The following ATP8A2 variants were observed in gnomAD, a reference collection of about 807,000 sequenced individuals.
ATP8A2 encodes ATPase phospholipid transporting 8A2.
A neutral mutation model predicts 165.6 loss-of-function variants in ATP8A2; 100 were observed. The observed-to-expected ratio is 0.60, with a 90% CI of 0.51 to 0.71. ATP8A2 has a LOEUF of 0.71. Ranked by LOEUF, ATP8A2 falls within the 30% of genes least tolerant of loss-of-function variation. The pLI is 0.00. For missense variants in ATP8A2, 1,227 were observed against 1,479.5 expected (o/e 0.83, Z 2.80); for synonymous variants, 543 against 548.8 (o/e 0.99, Z 0.15).
At chr13:25,691,839 G>A (rs1380063059) in intron 24 of ATP8A2, among the ~76,000 whole-genome samples, 6 of 152,160 alleles carry the variant, frequency 3.9e-5, no homozygotes, top group Admixed American at 2.0e-4. Flanking sequence ...TAATTACTTC[G>A]GCTTCAGCCT....
intron 2 of ATP8A2, among the ~76,000 whole-genome samples, chr13:25,512,965 C>T (rs1344393865): frequency 3.3e-4 from 43 of 130,168 alleles, no homozygotes; most frequent in Middle Eastern, 4.4e-3. Flanking sequence ...GGGGGCTGAC[C>T]CCCCCACCTC....
intron 2 of ATP8A2, among the ~76,000 whole-genome samples, chr13:25,516,487 T>C (rs1049647519): frequency 1.1e-4 from 16 of 152,190 alleles, no homozygotes; most frequent in Non-Finnish European, 1.6e-4. Context: ...AAAGGCCAAA[T>C]GTGGTATACT....
At chr13:26,008,463 A>G (rs1205527386) in intron 35 of ATP8A2, among the ~76,000 whole-genome samples, 1 of 152,148 alleles carries the variant, frequency 6.6e-6, no homozygotes, top group Non-Finnish European at 1.5e-5. Flanking sequence ...TGTGGAAGAT[A>G]GAATGAGATC....
At chr13:25,930,087 C>G (rs1048683064) in intron 33 of ATP8A2, among the ~76,000 whole-genome samples, 1 of 152,108 alleles carries the variant, frequency 6.6e-6, no homozygotes, top group Non-Finnish European at 1.5e-5. Context: ...GAGGGTCTTT[C>G]TAGTCTCTGA....
rs563922531 is a variant in ATP8A2 at position 25,435,122 on chromosome 13, C to CT, written c.77-33839dup. Among the ~76,000 whole-genome samples the CT allele has an allele frequency of 8.2e-3, 1,119 of 136,628 alleles. 11 individuals carry two copies. The highest frequency in any genetic ancestry group is 0.02 in the South Asian group (82 of 4,126). The allele number at this position is 136,628 out of a possible 152,430, so 89.6% of individuals were successfully genotyped here. A position where few individuals can be genotyped will look rare whatever the true frequency, so the allele number is the denominator to read the frequency against. On this transcript the variant is annotated intron_variant, in intron 1 of 36. Transcript: ENST00000381655. ...CTAGGAGTTCCTGGGCATAGGAAAT[C>CT]TTTTTTTTTTTTTTTTGAGATGGAG...
At chr13:25,534,466 G>C (rs753321181) in intron 6 of ATP8A2, among the ~76,000 whole-genome samples, 1 of 152,214 alleles carries the variant, frequency 6.6e-6, no homozygotes, top group Non-Finnish European at 1.5e-5. Context: ...GTATCAGCTA[G>C]AGTGAAGAAT....
Position 25,952,612 on chromosome 13 carries a change from G to A in ATP8A2, c.3184-8963G>A, listed in dbSNP as rs185651755. ...GATCTCAAACTCCTGACCTCAAACC[G>A]TCCTTCACCTCAGCATCCCAAAGCG... On this transcript the variant is annotated intron_variant, in intron 33 of 36. Transcript: ENST00000381655. 3.9e-5 allele frequency among the ~76,000 whole-genome samples: 6 copies of A among 152,142 alleles called. No individual in the cohort carries two copies. The East Asian group carries it at 1.2e-3, about 29-fold the overall frequency.
At chr13:25,386,056 C>T (rs9581327) in intron 1 of ATP8A2, among the ~76,000 whole-genome samples, 8,055 of 151,940 alleles carry the variant, frequency 0.053, 698 homozygotes, top group African/African-American at 0.18. Flanking sequence ...GCTGGGATTA[C>T]AGGCATAAGC....
intron 27 of ATP8A2, among the ~76,000 whole-genome samples, chr13:25,803,131 C>T (rs998429906): frequency 2.6e-5 from 4 of 152,044 alleles, no homozygotes; most frequent in Admixed American, 2.6e-4. Context: ...TCTGTGGTAT[C>T]TATGTGTGAT....
intron 24 of ATP8A2, among the ~76,000 whole-genome samples, chr13:25,670,682 A>G (rs541393068): frequency 6.6e-6 from 1 of 152,286 alleles, no homozygotes; most frequent in African/African-American, 2.4e-5. Context: ...CCCTGGAGAA[A>G]AACAGGTAGC....
At chr13:25,851,995 A>G (rs1402249017) in intron 30 of ATP8A2, among the ~76,000 whole-genome samples, 2 of 152,014 alleles carry the variant, frequency 1.3e-5, no homozygotes, top group Admixed American at 6.5e-5. Context: ...GGCACACACC[A>G]CCATGCCTGG....
intron 2 of ATP8A2, 149 bp downstream of exon 2, chr13:25,469,270 C>G (rs2035771910): frequency 1.0e-6 from 1 of 960,948 alleles, no homozygotes; most frequent in East Asian, 2.6e-5. Context: ...ACCCCACTAG[C>G]CCGCGGTGCA....
At chr13:25,465,338 T>G (rs2035605476) in intron 1 of ATP8A2, among the ~76,000 whole-genome samples, 1 of 152,130 alleles carries the variant, frequency 6.6e-6, no homozygotes, top group Admixed American at 6.5e-5. Flanking sequence ...CGGGGTGGTA[T>G]AACTATTTCT....
intron 27 of ATP8A2, among the ~76,000 whole-genome samples, chr13:25,776,596 TC>T (rs1160873667): frequency 1.3e-5 from 2 of 152,186 alleles, no homozygotes; most frequent in African/African-American, 4.8e-5. Context: ...TTTTTACAAT[TC>T]CCTTTTGGCA....
rs1182727735 is a variant in ATP8A2 at position 25,553,657 on chromosome 13, C to T, written c.1058-136C>T. 4.8e-6 allele frequency: 4 copies of T among 836,914 alleles called. No homozygotes were observed. In the East Asian group the frequency reaches 9.9e-5, roughly 21 times the overall value. The allele number at this position is 836,914 out of a possible 1,614,324, so 51.8% of individuals were successfully genotyped here. A position where few individuals can be genotyped will look rare whatever the true frequency, so the allele number is the denominator to read the frequency against. On this transcript the variant is annotated intron_variant, in intron 11 of 36. Coordinates refer to ENST00000381655, the MANE Select transcript of ATP8A2 (RefSeq NM_016529.6). ...TCGCATTGTGGGGCCTGTGTGCCTC[C>T]TACAGAAAGCAGCCTTTGAACTCAC...
intron 1 of ATP8A2, among the ~76,000 whole-genome samples, chr13:25,396,835 C>A (rs2033442591): frequency 6.6e-6 from 1 of 152,176 alleles, no homozygotes; most frequent in South Asian, 2.1e-4. Context: ...CCAATATATG[C>A]AATGTTATCA....
intron 24 of ATP8A2, among the ~76,000 whole-genome samples, chr13:25,673,019 G>A (rs2042299276): frequency 6.6e-6 from 1 of 152,076 alleles, no homozygotes; most frequent in Admixed American, 6.5e-5. Context: ...GTATTTTTTA[G>A]GGTCAGTATT....
At chr13:25,881,236 T>C (rs992023859) in intron 33 of ATP8A2, among the ~76,000 whole-genome samples, 2 of 151,816 alleles carry the variant, frequency 1.3e-5, no homozygotes, top group Admixed American at 6.7e-5. Context: ...TACAATGTGT[T>C]AATACACAGG....
chr13:25,457,509 TA>T (rs1454492254), intron 1 of ATP8A2, among the ~76,000 whole-genome samples: 13 of 152,310 alleles, frequency 8.5e-5, no homozygotes, highest in Admixed American at 6.5e-4. Flanking sequence ...TTATTATCTC[TA>T]AAAAATTATC....
Sources: allele counts gnomAD v4.1 joint callset (sites outside exome capture counted in the v4.1 genomes callset), GRCh38; gene constraint gnomAD v4.1.1; transcripts MANE v1.5; gene names NCBI Gene and HGNC (gene_info 2026-07-23, HGNC 2026-07-21).